PRX: variants seen among roughly 807,000 people sequenced by gnomAD.
The protein encoded by PRX is periaxin.
PRX carries 24 observed loss-of-function variants against 29.6 expected under a neutral mutation model. That is an observed-to-expected ratio of 0.81 (90% CI 0.59 to 1.14). The LOEUF (loss-of-function observed/expected upper bound fraction) is 1.14. PRX is among the 50% of genes most tolerant of loss of function. PRX has a pLI of 0.00. For synonymous variants in PRX, 772 were observed against 831.7 expected (o/e 0.93, Z 1.24); for missense variants, 1,838 against 1,926.4 (o/e 0.95, Z 0.86).
intron 5 of PRX, among the ~76,000 whole-genome samples, chr19:40,402,354 A>AAAAT (rs904595049): frequency 1.3e-5 from 2 of 151,850 alleles, no homozygotes; most frequent in African/African-American, 4.8e-5. Context: ...ACTCCGTCTC[A>AAAAT]AAATAAATAA....
rs2079449221 is a variant in PRX, at chr19:40,397,293, C to T, written c.1059G>A (p.Val353=). Residue 353 remains valine, a synonymous_variant, in exon 7 of 7, where the codon GTG becomes GTA. Transcript: ENST00000324001. ...EVEARGEAPE[V]ALKMPRLSFP... is the part of the protein sequence containing the mutation. ...AACTAAGGCGGGGCATCTTCAGGGC[C>T]ACCTCAGGTGCCTCTCCCCGGGCCT... 1.9e-6 allele frequency: 3 copies of T among 1,613,430 alleles called. No homozygotes were observed. The highest frequency in any genetic ancestry group is 1.7e-6 in the Non-Finnish European group (2 of 1,180,006).
Position 40,394,728 on chromosome 19 carries a change from C to G in PRX, c.3624G>C (p.Glu1208Asp), listed in dbSNP as rs1030878933. Residue 1208 changes from glutamate to aspartate, a missense_variant, in exon 7 of 7, where the codon GAG becomes GAC. Physicochemically the swap from Glu to Asp is conservative, Grantham distance 45. Around this residue, in one of 3 missense-constraint regions of PRX, gnomAD observed 1,143 missense variants for 1,193.0 expected, o/e 0.96. Coordinates refer to ENST00000324001, the MANE Select transcript of PRX (RefSeq NM_181882.3). The surrounding 1 kb of genome is among the most constrained non-coding windows in gnomAD (Gnocchi z 5.8). ...QVAGGELLVGEGVFKMPTVTV... is the reference protein window; with the variant it reads ...QVAGGELLVGDGVFKMPTVTV... ...TCACGGTGGGCATCTTAAAGACACC[C>G]TCACCCACCAGCAGCTCACCACCTG... 1.2e-6 allele frequency: 2 copies of G among 1,612,956 alleles called. No individual in the cohort carries two copies. Among genetic ancestry groups the G allele is most frequent in the Non-Finnish European group, 1.7e-6 (2 of 1,180,026 alleles).
At chr19:40,402,091 G>C (rs888632965) in intron 5 of PRX, among the ~76,000 whole-genome samples, 6 of 151,848 alleles carry the variant, frequency 4.0e-5, no homozygotes, top group Non-Finnish European at 8.8e-5. Flanking sequence ...GGTGGCTCAC[G>C]CCTGTAATCC....
Position 40,397,475 on chromosome 19 carries a change from G to T in PRX, c.877C>A (p.Pro293Thr). 1 of 1,571,580 alleles carries T rather than the reference G, an allele frequency of 6.4e-7. No homozygotes were observed. The highest frequency in any genetic ancestry group is 8.6e-7 in the Non-Finnish European group (1 of 1,160,344). ...VEAPAVGIQVPQVELPALPSL... is the reference protein window; with the variant it reads ...VEAPAVGIQVTQVELPALPSL... Reference sequence around the variant, plus strand: ...GGCAAGGCAGGCAGCTCCACCTGGGGGACCTGGATTCCCACGGCTGGGGCC... The same window carrying T: ...GGCAAGGCAGGCAGCTCCACCTGGGTGACCTGGATTCCCACGGCTGGGGCC... Residue 293 changes from proline (P) to threonine (T), a missense_variant, in exon 7 of 7, where the codon CCC becomes ACC. This residue lies in a region of PRX where 666 missense variants were observed against 665.0 expected (regional missense o/e 1.00). Coordinates refer to ENST00000324001, the MANE Select transcript of PRX (RefSeq NM_181882.3).
chr19:40,401,125 T>C (rs780763642), intron 5 of PRX, among the ~76,000 whole-genome samples: 12 of 152,104 alleles, frequency 7.9e-5, no homozygotes, highest in Non-Finnish European at 1.3e-4. Flanking sequence ...ATACCCAATA[T>C]CCAGTCCTCA....
Position 40,403,789 on chromosome 19 carries a change from A to G in PRX, c.101T>C (p.Val34Ala). Residue 34 changes from valine (V) to alanine (A), a missense_variant, in exon 5 of 7, where the codon GTA (valine) becomes GCA (alanine). By Grantham distance (64) the Val-to-Ala change is moderately conservative. Coordinates refer to ENST00000324001, the MANE Select transcript of PRX (RefSeq NM_181882.3). Reference sequence around the variant, plus strand: ...GATTCCCTCTTTGCCGCCGCCCGCTACGTTGATGCCGCTGACCCCGGTCTG... The same window carrying G: ...GATTCCCTCTTTGCCGCCGCCCGCTGCGTTGATGCCGCTGACCCCGGTCTG... ...EAQTGVSGIN[V>A]AGGGKEGIFV... 6.2e-7 allele frequency: 1 copy of G among 1,607,328 alleles called. No individual in the cohort carries two copies. Among genetic ancestry groups the G allele is most frequent in the Non-Finnish European group, 8.5e-7 (1 of 1,177,872 alleles).
At chr19:40,410,997 T>C (rs1460595400) in intron 1 of PRX, among the ~76,000 whole-genome samples, 1 of 152,252 alleles carries the variant, frequency 6.6e-6, no homozygotes, top group East Asian at 1.9e-4. Flanking sequence ...TTGTCTGCCA[T>C]GTCTGGGGCA....
chr19:40,410,954 G>T (rs1050774927), intron 1 of PRX, among the ~76,000 whole-genome samples: 1 of 152,242 alleles, frequency 6.6e-6, no homozygotes, highest in Non-Finnish European at 1.5e-5. Context: ...TGAGTGGTTA[G>T]TATTAATATT....
intron 5 of PRX, among the ~76,000 whole-genome samples, chr19:40,401,056 G>GC (rs1334588053): frequency 1.3e-5 from 2 of 152,054 alleles, no homozygotes; most frequent in Non-Finnish European, 2.9e-5. Flanking sequence ...TGAGGGACCA[G>GC]CAACTCCATC....
chr19:40,395,301 C>T lies in PRX; in HGVS notation c.3051G>A (p.Lys1017=). 1 of 1,613,662 alleles carries T rather than the reference C, an allele frequency of 6.2e-7. No individual in the cohort carries two copies. Among genetic ancestry groups the T allele is most frequent in the Non-Finnish European group, 8.5e-7 (1 of 1,180,022 alleles). Residue 1017 remains lysine (K), a synonymous_variant, in exon 7 of 7, where the codon AAG becomes AAA. Coordinates refer to ENST00000324001, the MANE Select transcript of PRX (RefSeq NM_181882.3). ...VEVAGADLKF[K]GPRFALPKFG... is the part of the protein sequence containing the mutation. Reference sequence around the variant, plus strand: ...ACTTGGGGAGAGCAAACCTGGGCCCCTTGAACTTGAGGTCGGCCCCTGCCA... The same window carrying T: ...ACTTGGGGAGAGCAAACCTGGGCCCTTTGAACTTGAGGTCGGCCCCTGCCA...
intron 5 of PRX, among the ~76,000 whole-genome samples, chr19:40,400,156 A>G (rs1445566535): frequency 6.7e-6 from 1 of 150,040 alleles, no homozygotes; most frequent in African/African-American, 2.4e-5. Flanking sequence ...CTAATTTTGT[A>G]TTTTTAGTAG....
rs368459753 is a variant in PRX at position 40,395,081 on chromosome 19, C to T, written c.3271G>A (p.Ala1091Thr). ...ASPGEKAESTAVQLKIPEVEL... is the reference protein window; with the variant it reads ...ASPGEKAESTTVQLKIPEVEL... Reference sequence around the variant, plus strand: ...ACCTCGGGGATCTTAAGCTGCACAGCGGTGGACTCAGCCTTTTCCCCCGGG... The same window carrying T: ...ACCTCGGGGATCTTAAGCTGCACAGTGGTGGACTCAGCCTTTTCCCCCGGG... Residue 1091 changes from alanine (A) to threonine (T), a missense_variant, in exon 7 of 7, where the codon GCT becomes ACT. Physicochemically the swap from Ala to Thr is moderately conservative, Grantham distance 58 (BLOSUM62 0). This residue lies in a region of PRX where 1,143 missense variants were observed against 1,193.0 expected (regional missense o/e 0.96). Transcript: ENST00000324001. 7.6e-5 allele frequency: 122 copies of T among 1,613,338 alleles called. No homozygotes were observed. The highest frequency in any genetic ancestry group is 1.6e-4 in the Middle Eastern group (1 of 6,084).
rs553825184 is a variant in PRX at position 40,394,548 on chromosome 19, G to A, written c.3804C>T (p.Ala1268=). The change falls in exon 7 of 7, where the codon GCC becomes GCT. Residue 1268 remains alanine, a synonymous_variant. Coordinates refer to ENST00000324001, the MANE Select transcript of PRX (RefSeq NM_181882.3). This position sits in a 1 kb window ranked among gnomAD's most constrained non-coding sequence, Gnocchi z 5.8. ...GCAGTGAGAGGCAGAAGGTACGCTC[G>A]GCCCCTGGGGGCTGCTCCTCAGCAC... The part of the protein sequence containing the change: ...GEGAEEQPPG[A]ERTFCLSLPD... 2.0e-5 allele frequency: 32 copies of A among 1,605,860 alleles called. No individual in the cohort carries two copies. In the African/African-American group the frequency reaches 2.3e-4, roughly 11 times the overall value.
rs746958232 is a variant in PRX at position 40,398,823 on chromosome 19, GC to G, written c.185-8del. Reference sequence around the variant, plus strand: ...GCACTCAGCAGCTGGTCCCCTGCGGGCGAGGTGGAGGTGCGCAGCACGTGGG... The same window carrying G: ...GCACTCAGCAGCTGGTCCCCTGCGGGGAGGTGGAGGTGCGCAGCACGTGGG... On this transcript the variant is annotated splice_region_variant and splice_polypyrimidine_tract_variant and intron_variant, in intron 5 of 6. Transcript: ENST00000324001. The surrounding 1 kb of genome is among the most constrained non-coding windows in gnomAD (Gnocchi z 6.3). 6.2e-7 allele frequency: 1 copy of G among 1,613,958 alleles called. No homozygotes were observed. Among genetic ancestry groups the G allele is most frequent in the South Asian group, 1.1e-5 (1 of 91,082 alleles).
upstream of PRX, among the ~76,000 whole-genome samples, chr19:40,414,655 C>A (rs1172341021): frequency 1.3e-5 from 2 of 152,120 alleles, no homozygotes; most frequent in African/African-American, 2.4e-5. Flanking sequence ...GGCCTCACCC[C>A]CAACCCCTGG....
Position 40,397,722 on chromosome 19 carries a change from G to A in PRX, c.630C>T (p.Ala210=), listed in dbSNP as rs772542689. 13 of 1,560,170 alleles carry A rather than the reference G, an allele frequency of 8.3e-6. No individual in the cohort carries two copies. Among genetic ancestry groups the A allele is most frequent in the African/African-American group, 4.0e-5 (3 of 74,246 alleles). The change falls in exon 7 of 7, where the codon GCC becomes GCT. Residue 210 remains alanine (A), a synonymous_variant. Coordinates refer to ENST00000324001, the MANE Select transcript of PRX (RefSeq NM_181882.3). The part of the protein sequence containing the change: ...EEAQAARLAA[A]APPPRKAKVE... Reference sequence around the variant, plus strand: ...CCTTGGCTTTCCTGGGGGGAGGAGCGGCGGCGGCCAGCCGGGCTGCCTGAG... The same window carrying A: ...CCTTGGCTTTCCTGGGGGGAGGAGCAGCGGCGGCCAGCCGGGCTGCCTGAG...
At chr19:40,408,846 T>TGAGA (rs974978665) in intron 1 of PRX, among the ~76,000 whole-genome samples, 3 of 148,240 alleles carry the variant, frequency 2.0e-5, no homozygotes, top group South Asian at 2.1e-4. Flanking sequence ...TGTGTGTGTG[T>TGAGA]GAGAGAGAGA....
At chr19:40,414,198 C>T (rs1255598742), upstream of PRX, among the ~76,000 whole-genome samples, 2 of 152,294 alleles carry the variant, frequency 1.3e-5, no homozygotes, top group East Asian at 3.9e-4. Flanking sequence ...TCATGGCTCA[C>T]TGCAGCCTCC....
At position 40,398,041 on chromosome 19, in the gene PRX, C is replaced by T. The variant is rs994098248; in HGVS notation, c.382-71G>A. On this transcript the variant is annotated intron_variant, in intron 6 of 6. Coordinates refer to ENST00000324001, the MANE Select transcript of PRX (RefSeq NM_181882.3). This position sits in a 1 kb window ranked among gnomAD's most constrained non-coding sequence, Gnocchi z 6.3. Reference sequence around the variant, plus strand: ...CTGGGAGTGGACAGGAAGAGCCCCACCTGGTATTGGACCAGGCGGGGGATG... The same window carrying T: ...CTGGGAGTGGACAGGAAGAGCCCCATCTGGTATTGGACCAGGCGGGGGATG... 2 of 1,538,936 alleles carry T rather than the reference C, an allele frequency of 1.3e-6. No homozygotes were observed. The highest frequency in any genetic ancestry group is 2.7e-5 in the African/African-American group (2 of 73,000).
Sources: allele counts gnomAD v4.1 joint callset (sites outside exome capture counted in the v4.1 genomes callset), GRCh38; gene constraint gnomAD v4.1.1; regional missense constraint gnomAD v4.1.1; non-coding constraint Gnocchi (gnomAD v3.1); transcripts MANE v1.5; gene names NCBI Gene and HGNC (gene_info 2026-07-23, HGNC 2026-07-21).